MTCL1: variants seen among roughly 807,000 people sequenced by gnomAD.
MTCL1 encodes the protein microtubule crosslinking factor 1.
Under a neutral mutation model 141.4 loss-of-function variants are expected in MTCL1, and 79 were observed. The observed-to-expected ratio is 0.56, with a 90% CI of 0.47 to 0.67. MTCL1 has a LOEUF of 0.67. MTCL1 is among the 30% of genes least tolerant of loss of function. The pLI, the probability that MTCL1 is intolerant of heterozygous loss-of-function variation, is 0.00. For missense variants in MTCL1, 2,177 were observed against 2,113.9 expected, an observed-to-expected ratio of 1.03 and a Z score of -0.59; for synonymous variants, 914 against 875.8, an observed-to-expected ratio of 1.04 and a Z score of -0.77.
chr18:8,790,872 G>A lies in MTCL1; in HGVS notation c.1888-2126G>A, dbSNP rs552414124. 7.9e-4 allele frequency among the ~76,000 whole-genome samples: 120 copies of A among 152,190 alleles called. 2 individuals carry two copies. The highest frequency in any genetic ancestry group is 2.2e-3 in the Admixed American group (33 of 15,280). On this transcript the variant is annotated intron_variant, in intron 7 of 16. Coordinates refer to ENST00000359865, the Ensembl canonical transcript of MTCL1. ...TCTACTAAAAATACAAAAATTAGCT[G>A]GGTGTCATGGTGGGTACCTATAATC... is the stretch of plus-strand genomic sequence containing the variant.
intron 8 of MTCL1, among the ~76,000 whole-genome samples, chr18:8,794,116 A>C (rs1279867891): frequency 6.6e-6 from 1 of 152,224 alleles, no homozygotes; most frequent in East Asian, 1.9e-4. Flanking sequence ...TGCACATCTT[A>C]TTATCAGAGG....
rs572420636 is a variant in MTCL1 at position 8,823,806 on chromosome 18, C to T, written c.3189-893C>T. Among the ~76,000 whole-genome samples, 7 of 152,318 alleles carry T rather than the reference C, an allele frequency of 4.6e-5. No homozygotes were observed. In the South Asian group the frequency reaches 1.4e-3, roughly 32 times the overall value. On this transcript the variant is annotated intron_variant, in intron 14 of 16. Coordinates refer to ENST00000359865, the Ensembl canonical transcript of MTCL1. ...TGCTGGTTCTGTGTACCAGCGCACA[C>T]GGTACAGGGACTTGCTCAGAGCAGA...
At chr18:8,802,833 T>C (rs1317516760) in intron 10 of MTCL1, among the ~76,000 whole-genome samples, 1 of 152,082 alleles carries the variant, frequency 6.6e-6, no homozygotes, top group Non-Finnish European at 1.5e-5. Context: ...ATTTTTGAGT[T>C]GAAACTGACC....
intron 15 of MTCL1, among the ~76,000 whole-genome samples, chr18:8,827,669 C>T (rs755572707): frequency 6.6e-5 from 10 of 152,172 alleles, no homozygotes; most frequent in Non-Finnish European, 5.9e-5. Context: ...CTTCTTAGGG[C>T]TCTGAATCTC....
intron 4 of MTCL1, among the ~76,000 whole-genome samples, chr18:8,765,462 C>G (rs1434919039): frequency 6.6e-6 from 1 of 152,224 alleles, no homozygotes; most frequent in African/African-American, 2.4e-5. Context: ...TATGGGCAAG[C>G]AGAGCACCCT....
chr18:8,831,522 T>A, intron 16 of MTCL1, 85 bp from the exon 15 acceptor site: 1 of 1,506,884 alleles, frequency 6.6e-7, no homozygotes, highest in East Asian at 2.5e-5. Flanking sequence ...CTCACTTGAG[T>A]CTGTTGAGAA....
chr18:8,714,556 A>G (rs150610670), upstream of MTCL1, among the ~76,000 whole-genome samples: 11 of 152,296 alleles, frequency 7.2e-5, no homozygotes, highest in African/African-American at 1.7e-4. Flanking sequence ...AGGAGCAAAG[A>G]CACATATTAC....
At chr18:8,719,797 T>G (rs1033325059) in intron 3 of MTCL1, among the ~76,000 whole-genome samples, 2 of 152,210 alleles carry the variant, frequency 1.3e-5, no homozygotes, top group Non-Finnish European at 2.9e-5. Flanking sequence ...CTCAAACTCC[T>G]GACCTCAAGT....
intron 2 of MTCL1, chr18:8,717,976 C>G: frequency 9.9e-7 from 1 of 1,007,796 alleles, no homozygotes; most frequent in South Asian, 4.4e-5. Context: ...TGTTTTAGTT[C>G]CAGGGCAATT....
At chr18:8,796,682 A>G (rs1183885907) in intron 9 of MTCL1, among the ~76,000 whole-genome samples, 4 of 152,230 alleles carry the variant, frequency 2.6e-5, no homozygotes, top group African/African-American at 4.8e-5. Context: ...TCATTTTCCT[A>G]TACACAAGCA....
At chr18:8,718,443 G>A (rs761409293) in exon 3 of MTCL1, 11 of 1,614,172 alleles carry the variant, frequency 6.8e-6, no homozygotes, top group Middle Eastern at 1.6e-4. Context: ...GATGAACTCC[G>A]TGCTGAGATG....
chr18:8,751,113 C>G (rs760259872), intron 4 of MTCL1, among the ~76,000 whole-genome samples: 3 of 152,190 alleles, frequency 2.0e-5, no homozygotes, highest in Non-Finnish European at 4.4e-5. Context: ...ATGCACACAT[C>G]TTTTCCGCAC....
chr18:8,826,750 C>CA (rs2077040358), intron 15 of MTCL1, among the ~76,000 whole-genome samples: 1 of 152,196 alleles, frequency 6.6e-6, no homozygotes, highest in Admixed American at 6.5e-5. Context: ...TGGCAGCTCA[C>CA]AAATCACTTA....
intron 4 of MTCL1, among the ~76,000 whole-genome samples, chr18:8,743,292 A>G (rs1012162958): frequency 6.6e-6 from 1 of 152,226 alleles, no homozygotes; most frequent in African/African-American, 2.4e-5. Flanking sequence ...CATGTTACAT[A>G]TTGGCATTTT....
At chr18:8,734,413 C>T (rs1490479367) in intron 4 of MTCL1, among the ~76,000 whole-genome samples, 1 of 152,124 alleles carries the variant, frequency 6.6e-6, no homozygotes, top group Non-Finnish European at 1.5e-5. Flanking sequence ...TCCCTTCTTA[C>T]TGTCTCAGGT....
exon 6 of MTCL1, chr18:8,784,583 C>G (rs1239653117): frequency 9.9e-6 from 16 of 1,610,708 alleles, no homozygotes; most frequent in Non-Finnish European, 1.4e-5. Context: ...TGCGCCCTTA[C>G]CGGGGCCTGG....
intron 11 of MTCL1, among the ~76,000 whole-genome samples, chr18:8,808,799 C>G (rs1233567889): frequency 6.6e-6 from 1 of 152,212 alleles, no homozygotes; most frequent in Non-Finnish European, 1.5e-5. Context: ...ATCAGATGTT[C>G]CTTGAAGGGG....
intron 4 of MTCL1, among the ~76,000 whole-genome samples, chr18:8,761,569 C>T (rs1254563238): frequency 6.6e-6 from 1 of 152,160 alleles, no homozygotes; most frequent in Non-Finnish European, 1.5e-5. Context: ...CTGGGTATCT[C>T]ATATGTATTA....
At chr18:8,799,360 G>T (rs1206320846) in intron 10 of MTCL1, among the ~76,000 whole-genome samples, 1 of 152,174 alleles carries the variant, frequency 6.6e-6, no homozygotes, top group Non-Finnish European at 1.5e-5. Context: ...TGTACAATCA[G>T]ATTTTCACAC....
Sources: gnomAD v4.1 joint callset for allele counts (sites outside exome capture counted in the v4.1 genomes callset) on GRCh38, gnomAD v4.1.1 for gene constraint, MANE v1.5 for transcripts, NCBI Gene and HGNC (gene_info 2026-07-23, HGNC 2026-07-21) for gene names.